The following KHDRBS2 variants were observed in gnomAD, a reference collection of about 807,000 sequenced individuals.
KHDRBS2 encodes KH RNA binding domain containing, signal transduction associated 2, also known as KH domain-containing, RNA-binding, signal transduction-associated protein 2.
Under a neutral mutation model 44.3 loss-of-function variants are expected in KHDRBS2, and 26 were observed. The ratio of observed to expected loss-of-function variants is 0.59; its 90% confidence interval spans 0.43 to 0.81. KHDRBS2 has a LOEUF of 0.81. Ranked by LOEUF, KHDRBS2 falls within the 40% of genes least tolerant of loss-of-function variation. The pLI, the probability that KHDRBS2 is intolerant of heterozygous loss-of-function variation, is 0.00. For missense variants in KHDRBS2, 476 were observed against 433.1 expected, an observed-to-expected ratio of 1.10 and a Z score of -0.88; for synonymous variants, 194 against 151.1, an observed-to-expected ratio of 1.28 and a Z score of -2.08.
chr6:61,769,343 C>T lies in KHDRBS2; in HGVS notation c.811-36579G>A, dbSNP rs138369308. 3.9e-3 allele frequency among the ~76,000 whole-genome samples: 591 copies of T among 152,170 alleles called. 2 individuals are homozygous for T. Among genetic ancestry groups the T allele is most frequent in the Non-Finnish European group, 4.8e-3 (327 of 68,012 alleles). On this transcript the variant is annotated intron_variant, in intron 6 of 8. Coordinates refer to ENST00000281156, the MANE Select transcript of KHDRBS2 (RefSeq NM_152688.4). Reference sequence around the variant, plus strand: ...GACAGTGGGTGCAGCGCACTGTGCACGAGCTGAAGCAGGACGAGGCATCAC... The same window carrying T: ...GACAGTGGGTGCAGCGCACTGTGCATGAGCTGAAGCAGGACGAGGCATCAC...
chr6:61,858,560 T>C (rs1024819937), intron 6 of KHDRBS2, among the ~76,000 whole-genome samples: 5 of 151,954 alleles, frequency 3.3e-5, no homozygotes, highest in African/African-American at 9.7e-5. Context: ...CAATATAAGA[T>C]CATCTCTTAC....
At chr6:62,013,303 A>T (rs1355892055) in intron 3 of KHDRBS2, among the ~76,000 whole-genome samples, 1 of 152,170 alleles carries the variant, frequency 6.6e-6, no homozygotes, top group East Asian at 1.9e-4. Flanking sequence ...GAATTTATTG[A>T]AAAATTATTC....
In KHDRBS2 at chr6:61,862,070, T is replaced by C. The variant is rs1273077651; in HGVS notation, c.810+32565A>G. On this transcript the variant is annotated intron_variant, in intron 6 of 8. Transcript: ENST00000281156. ...ATTCATGCACATTGATTTTATATAC[T>C]GAGATTTTGCTAAATTTGCTTATCA... Among the ~76,000 whole-genome samples, 6 of 152,128 alleles carry C rather than the reference T, an allele frequency of 3.9e-5. No homozygotes were observed. The East Asian group carries it at 9.6e-4, about 24-fold the overall frequency.
intron 4 of KHDRBS2, among the ~76,000 whole-genome samples, chr6:61,909,660 G>GTT (rs1164031443): frequency 4.6e-5 from 2 of 43,334 alleles, no homozygotes; most frequent in South Asian, 6.0e-4. Context: ...GCAGACAGAT[G>GTT]TTTGGATGTT....
the KHDRBS2 span, among the ~76,000 whole-genome samples, chr6:61,637,854 G>A: frequency 2.0e-5 from 3 of 152,010 alleles, no homozygotes; most frequent in Admixed American, 1.3e-4. Context: ...GTCTGTTCAT[G>A]TCCTTTGCCC....
At chr6:62,137,652 C>T (rs1393580595) in intron 2 of KHDRBS2, among the ~76,000 whole-genome samples, 1 of 152,098 alleles carries the variant, frequency 6.6e-6, no homozygotes, top group East Asian at 1.9e-4. Context: ...TTCTACCTAC[C>T]TGAGACTATA....
At chr6:61,554,826 G>A in the KHDRBS2 span, among the ~76,000 whole-genome samples, 1 of 152,130 alleles carries the variant, frequency 6.6e-6, no homozygotes, top group Non-Finnish European at 1.5e-5. Context: ...AAGAATGCTG[G>A]ATGTAGGCTC....
At chr6:61,703,683 A>C (rs1057493255) in intron 7 of KHDRBS2, among the ~76,000 whole-genome samples, 2 of 151,944 alleles carry the variant, frequency 1.3e-5, no homozygotes, top group African/African-American at 4.8e-5. Context: ...TGCTATTTAA[A>C]AAACATTAAA....
intron 6 of KHDRBS2, among the ~76,000 whole-genome samples, chr6:61,747,042 G>GA (rs66854016): frequency 7.1e-4 from 100 of 141,556 alleles, no homozygotes; most frequent in East Asian, 1.2e-3. Context: ...GAAAAAAAAA[G>GA]AAAAAAAAAA....
At chr6:62,137,673 G>A (rs539993052) in intron 2 of KHDRBS2, among the ~76,000 whole-genome samples, 2 of 152,140 alleles carry the variant, frequency 1.3e-5, no homozygotes, top group South Asian at 4.2e-4. Flanking sequence ...AAATCCCAGG[G>A]TACTCTCTTT....
intron 2 of KHDRBS2, among the ~76,000 whole-genome samples, chr6:62,116,217 A>G (rs1725776032): frequency 6.6e-6 from 1 of 152,138 alleles, no homozygotes; most frequent in African/African-American, 2.4e-5. Flanking sequence ...TTTGAAATCT[A>G]TCCTCTTAGC....
chr6:61,751,985 C>T (rs183504326), intron 6 of KHDRBS2, among the ~76,000 whole-genome samples: 198 of 152,118 alleles, frequency 1.3e-3, no homozygotes, highest in Non-Finnish European at 2.0e-3. Flanking sequence ...CTTAGAAGGA[C>T]ACAAATCATA....
At chr6:62,216,303 T>C (rs199713431) in intron 1 of KHDRBS2, among the ~76,000 whole-genome samples, 1 of 151,804 alleles carries the variant, frequency 6.6e-6, no homozygotes, top group East Asian at 1.9e-4. Flanking sequence ...AAAGTTTGAA[T>C]AATATGATCA....
At chr6:62,092,347 T>C (rs1374066321) in intron 2 of KHDRBS2, among the ~76,000 whole-genome samples, 2 of 152,212 alleles carry the variant, frequency 1.3e-5, no homozygotes, top group African/African-American at 2.4e-5. Context: ...AATATCTTTA[T>C]TGAAATATCT....
At chr6:62,133,664 G>A (rs1470257249) in intron 2 of KHDRBS2, among the ~76,000 whole-genome samples, 1 of 152,168 alleles carries the variant, frequency 6.6e-6, no homozygotes, top group Non-Finnish European at 1.5e-5. Context: ...AGGACAATGT[G>A]GGAAAGTTTG....
chr6:62,022,328 T>A (rs886192436), intron 3 of KHDRBS2, among the ~76,000 whole-genome samples: 5 of 151,740 alleles, frequency 3.3e-5, no homozygotes, highest in African/African-American at 1.2e-4. Flanking sequence ...GCATTGGGAA[T>A]TTATCATATC....
chr6:61,986,076 T>A (rs1024699769), intron 3 of KHDRBS2, among the ~76,000 whole-genome samples: 1 of 152,218 alleles, frequency 6.6e-6, no homozygotes, highest in African/African-American at 2.4e-5. Context: ...ATAGCTCTGA[T>A]ATTTATTATC....
chr6:62,207,346 T>A (rs1388284927), intron 1 of KHDRBS2, among the ~76,000 whole-genome samples: 1 of 152,100 alleles, frequency 6.6e-6, no homozygotes, highest in African/African-American at 2.4e-5. Flanking sequence ...CAATGTCTGC[T>A]TTATCCACAA....
At chr6:61,550,290 G>A in the KHDRBS2 span, among the ~76,000 whole-genome samples, 131,136 of 152,160 alleles carry the variant, frequency 0.86, 57,081 homozygotes, top group African/African-American at 0.97. Flanking sequence ...TAGTGAGAAC[G>A]TGTGGTATTT....
Sources: allele counts gnomAD v4.1 joint callset (sites outside exome capture counted in the v4.1 genomes callset), GRCh38; gene constraint gnomAD v4.1.1; transcripts MANE v1.5; gene names NCBI Gene and HGNC (gene_info 2026-07-23, HGNC 2026-07-21).